Variants in PDZD2 observed in about 807,000 individuals in gnomAD.
PDZD2 encodes the protein PDZ domain-containing protein 2.
A neutral mutation model predicts 220.7 loss-of-function variants in PDZD2; 90 were observed. The ratio of observed to expected loss-of-function variants is 0.41; its 90% CI spans 0.34 to 0.49. PDZD2 has a LOEUF of 0.49. Ranked by LOEUF, PDZD2 falls within the 20% of genes least tolerant of loss-of-function variation. PDZD2 has a pLI of 0.28. For missense variants in PDZD2, 3,174 were observed against 3,608.5 expected (o/e 0.88, Z 3.08); for synonymous variants, 1,375 against 1,450.5 (o/e 0.95, Z 1.18).
intron 2 of PDZD2, among the ~76,000 whole-genome samples, chr5:31,969,523 A>AAAAAAAAAAAC (rs777921237): frequency 6.8e-6 from 1 of 146,798 alleles, no homozygotes; most frequent in African/African-American, 2.6e-5. Flanking sequence ...AAAAAAAAAA[A>AAAAAAAAAAAC]AAAAAAAAAA....
At chr5:31,872,775 CGT>C (rs1561530138) in intron 2 of PDZD2, among the ~76,000 whole-genome samples, 2 of 151,602 alleles carry the variant, frequency 1.3e-5, no homozygotes, top group Admixed American at 1.3e-4. Flanking sequence ...TATCTACATA[CGT>C]GTGTGTATGT....
At chr5:31,878,706 G>A (rs1243039805) in intron 2 of PDZD2, among the ~76,000 whole-genome samples, 3 of 151,546 alleles carry the variant, frequency 2.0e-5, no homozygotes, top group African/African-American at 7.3e-5. Context: ...GACTACAGGC[G>A]CCCGCCACCT....
intron 1 of PDZD2, among the ~76,000 whole-genome samples, chr5:31,699,518 G>T (rs967142143): frequency 6.6e-6 from 1 of 152,272 alleles, no homozygotes; most frequent in East Asian, 1.9e-4. Flanking sequence ...GGAGGCTGAA[G>T]CAGGTGGATC....
intron 2 of PDZD2, among the ~76,000 whole-genome samples, chr5:31,865,836 T>G (rs2150317372): frequency 6.6e-6 from 1 of 151,542 alleles, no homozygotes; most frequent in South Asian, 2.1e-4. Flanking sequence ...TTTCACCGTG[T>G]TAGCCAGGAT....
rs5867089 is a variant in PDZD2 at position 31,661,785 on chromosome 5, G to GTTTTTTTTTTTTTTTTTTT, written c.-361+22362_-361+22363insTTTTTTTTTTTTTTTTTTT. Among the ~76,000 whole-genome samples, 8 of 141,840 alleles carry GTTTTTTTTTTTTTTTTTTT rather than the reference G, an allele frequency of 5.6e-5. 1 individual carries two copies. Among genetic ancestry groups the GTTTTTTTTTTTTTTTTTTT allele is most frequent in the Non-Finnish European group, 3.0e-5 (2 of 66,106 alleles). 93.1% of individuals were successfully genotyped at this position (141,840 alleles called of 152,430 possible). ...ATAGAAATAAGTAGTTCCTCCCTTG[G>GTTTTTTTTTTTTTTTTTTT]TTTTTTTTTTTTTTCTTTTTTTTTC... is the stretch of plus-strand genomic sequence containing the variant. On this transcript the variant is annotated intron_variant, in intron 1 of 24. Coordinates refer to ENST00000438447, the MANE Select transcript of PDZD2 (RefSeq NM_178140.4).
chr5:32,053,235 G>C (rs1414395250), intron 9 of PDZD2, among the ~76,000 whole-genome samples: 1 of 152,232 alleles, frequency 6.6e-6, no homozygotes, highest in African/African-American at 2.4e-5. Context: ...AAGAAAAGCA[G>C]AGCCTGCAGC....
intron 24 of PDZD2, among the ~76,000 whole-genome samples, chr5:32,102,856 C>A (rs1164939463): frequency 6.6e-6 from 1 of 152,086 alleles, no homozygotes; most frequent in Non-Finnish European, 1.5e-5. Context: ...CTGCTTGAGC[C>A]CCAGGAGTTC....
At chr5:32,027,690 A>G (rs1200136583) in intron 6 of PDZD2, among the ~76,000 whole-genome samples, 1 of 152,242 alleles carries the variant, frequency 6.6e-6, no homozygotes, top group Non-Finnish European at 1.5e-5. Context: ...ATTGGAAAGC[A>G]GCGGGTCGAG....
intron 1 of PDZD2, among the ~76,000 whole-genome samples, chr5:31,785,909 T>C (rs1356593341): frequency 6.6e-6 from 1 of 152,074 alleles, no homozygotes; most frequent in Non-Finnish European, 1.5e-5. Context: ...TCCACATCAC[T>C]TCTCTCCCAC....
At position 32,087,681 on chromosome 5, in the gene PDZD2, G is replaced by A. The variant is rs139053032; in HGVS notation, c.4233G>A (p.Ser1411=). Residue 1411 remains serine (S), a synonymous_variant, in exon 20 of 25, where the codon TCG becomes TCA. Transcript: ENST00000438447. This position sits in a 1 kb window ranked among gnomAD's most constrained non-coding sequence, Gnocchi z 4.0. ...CCAAAGAAGCATGTGGCCATGTCTC[G>A]GGGCACTGCTGCCCAGGGGGGAGTA... ...DNTKEACGHV[S]GHCCPGGSRE... 25 of 1,614,128 alleles carry A rather than the reference G, an allele frequency of 1.5e-5. No homozygotes were observed. The African/African-American group carries it at 1.9e-4, about 12-fold the overall frequency.
intron 2 of PDZD2, among the ~76,000 whole-genome samples, chr5:31,886,362 G>A (rs1740472170): frequency 1.3e-5 from 2 of 152,092 alleles, no homozygotes; most frequent in South Asian, 2.1e-4. Context: ...TTGTTTATGT[G>A]CCTCCCCTTG....
chr5:32,087,193 C>T lies in PDZD2; in HGVS notation c.3745C>T (p.Pro1249Ser). The T allele has an allele frequency of 6.2e-7, 1 of 1,613,936 alleles. No homozygotes were observed. The highest frequency in any genetic ancestry group is 8.5e-7 in the Non-Finnish European group (1 of 1,179,864). Residue 1249 changes from proline (P) to serine (S), a missense_variant, in exon 20 of 25, where the codon CCC (proline) becomes TCC (serine). By Grantham distance (74) the Pro-to-Ser change is moderately conservative. This residue lies in a region of PDZD2 where 1,861 missense variants were observed against 2,001.0 expected (regional missense o/e 0.93). Transcript: ENST00000438447. This position sits in a 1 kb window ranked among gnomAD's most constrained non-coding sequence, Gnocchi z 4.0. The stretch of plus-strand genomic sequence containing the variant: ...GAAGAAGGGGGCCGCTCATCCTGAC[C>T]CCAGCAAGACCTCTGTAGACACAGG... ...PGKKGAAHPD[P>S]SKTSVDTGQV...
At chr5:31,779,093 A>G (rs1302441284) in intron 1 of PDZD2, among the ~76,000 whole-genome samples, 2 of 152,050 alleles carry the variant, frequency 1.3e-5, no homozygotes, top group South Asian at 2.1e-4. Context: ...ACCAAAACCC[A>G]TTACCTATGT....
intron 1 of PDZD2, among the ~76,000 whole-genome samples, chr5:31,695,210 C>T (rs1331036272): frequency 6.6e-6 from 1 of 152,132 alleles, no homozygotes; most frequent in Non-Finnish European, 1.5e-5. Flanking sequence ...CTTCCAAGTC[C>T]ACCTTGAATA....
intron 2 of PDZD2, chr5:31,823,154 CAAAAAAAAAAAAAAAA>C (rs397997277): frequency 2.8e-4 from 30 of 105,432 alleles, no homozygotes; most frequent in African/African-American, 8.7e-4. Context: ...GTAGACGTGG[CAAAAAAAAAAAAAAAA>C]AAAAAAAAAA....
At chr5:32,053,914 C>T in intron 10 of PDZD2, 31 bp downstream of exon 10, 1 of 1,215,274 alleles carries the variant, frequency 8.2e-7, no homozygotes, top group Non-Finnish European at 1.2e-6. Context: ...TCCTCAGTGA[C>T]AGTGACTTTG....
rs567341236 is a variant in PDZD2, at chr5:31,809,043, A to C, written c.476+9319A>C. Among the ~76,000 whole-genome samples, 155 of 152,344 alleles carry C rather than the reference A, an allele frequency of 1.0e-3. 7 individuals carry two copies. In the South Asian group the frequency reaches 0.031, roughly 30 times the overall value. On this transcript the variant is annotated intron_variant, in intron 2 of 24. Transcript: ENST00000438447. ...ATGGTTTTTTAACAGTTTATTATTT[A>C]CATAAAAACATAGAAAATCTATGTT...
At chr5:31,719,118 G>T (rs900417810) in intron 1 of PDZD2, among the ~76,000 whole-genome samples, 2 of 152,180 alleles carry the variant, frequency 1.3e-5, no homozygotes, top group African/African-American at 4.8e-5. Flanking sequence ...TCACAATTCA[G>T]CTTGTAACAA....
At chr5:31,842,956 A>G (rs186945087) in intron 2 of PDZD2, among the ~76,000 whole-genome samples, 155 of 152,008 alleles carry the variant, frequency 1.0e-3, no homozygotes, top group African/African-American at 3.6e-3. Flanking sequence ...ATCTTGGCTC[A>G]CTGCCACCTC....
Sources: allele counts gnomAD v4.1 joint callset (sites outside exome capture counted in the v4.1 genomes callset), GRCh38; gene constraint gnomAD v4.1.1; regional missense constraint gnomAD v4.1.1; non-coding constraint Gnocchi (gnomAD v3.1); transcripts MANE v1.5; gene names NCBI Gene and HGNC (gene_info 2026-07-23, HGNC 2026-07-21).